The following FAAH2 variants were observed in gnomAD, a reference collection of about 807,000 sequenced individuals.
FAAH2 encodes fatty-acid amide hydrolase 2.
A neutral mutation model predicts 36.9 loss-of-function variants in FAAH2; 60 were observed. The ratio of observed to expected loss-of-function variants is 1.63; its 90% CI spans 1.32 to 2.02. The LOEUF is 2.02. Ranked by LOEUF, FAAH2 falls within the 30% of genes most tolerant of loss-of-function variation. The probability of loss-of-function intolerance (pLI) is 0.00; values close to 1 mark genes in which losing one functional copy is unlikely to be tolerated. For missense variants in FAAH2, 689 were observed against 397.5 expected, an observed-to-expected ratio of 1.73 and a Z score of -6.23; for synonymous variants, 214 against 143.8, an observed-to-expected ratio of 1.49 and a Z score of -3.49.
At chrX:57,315,265 G>A (rs2052803560) in intron 3 of FAAH2, among the ~76,000 whole-genome samples, 1 of 110,960 alleles carries the variant, frequency 9.0e-6, no homozygotes, top group South Asian at 3.7e-4. Flanking sequence ...TCGGTAATAA[G>A]AAACCTACCA....
At chrX:57,126,610 T>C in the FAAH2 span, among the ~76,000 whole-genome samples, 1 of 111,943 alleles carries the variant, frequency 8.9e-6, no homozygotes, top group Non-Finnish European at 1.9e-5. Flanking sequence ...AGCCAGGCTA[T>C]GCAAAAAGAG....
the FAAH2 span, among the ~76,000 whole-genome samples, chrX:57,208,299 A>G: frequency 8.9e-6 from 1 of 112,170 alleles, no homozygotes; most frequent in Non-Finnish European, 1.9e-5. Context: ...CTGCTCTGTC[A>G]TCTCTTCTGT....
intron 8 of FAAH2, among the ~76,000 whole-genome samples, chrX:57,439,821 G>T (rs1209939165): frequency 1.8e-5 from 2 of 111,532 alleles, no homozygotes; most frequent in African/African-American, 6.5e-5. Flanking sequence ...TCTACATATG[G>T]CTAGCCACTT....
At position 57,300,486 on chromosome X, in the gene FAAH2, G is replaced by C. The variant is rs775364553; in HGVS notation, c.275+7906G>C. ...AGATGGATTAAAGACTTACATGTCA[G>C]ACCTAAAACCATAAAAACCCTAGAA... is the stretch of plus-strand genomic sequence containing the variant. On this transcript the variant is annotated intron_variant, in intron 2 of 10. Transcript: ENST00000374900. 4.5e-5 allele frequency among the ~76,000 whole-genome samples: 5 copies of C among 112,187 alleles called. No individual in the cohort carries two copies. The South Asian group carries it at 1.8e-3, about 41-fold the overall frequency.
the FAAH2 span, among the ~76,000 whole-genome samples, chrX:57,203,458 C>T: frequency 5.4e-5 from 6 of 112,040 alleles, no homozygotes; most frequent in Middle Eastern, 4.6e-3. Context: ...TGTCACGGTG[C>T]TGCAGAGATT....
At chrX:57,402,498 G>T (rs2147307053) in intron 7 of FAAH2, among the ~76,000 whole-genome samples, 1 of 111,536 alleles carries the variant, frequency 9.0e-6, no homozygotes, top group South Asian at 3.9e-4. Context: ...AACTCCATTA[G>T]GGTTTCTAAA....
the FAAH2 span, among the ~76,000 whole-genome samples, chrX:57,195,352 A>T: frequency 9.0e-6 from 1 of 111,539 alleles, no homozygotes; most frequent in African/African-American, 3.3e-5. Context: ...TTTTCTTGAT[A>T]ATTAGTGATG....
chrX:57,249,696 A>G, the FAAH2 span, among the ~76,000 whole-genome samples: 1 of 111,975 alleles, frequency 8.9e-6, no homozygotes, highest in Non-Finnish European at 1.9e-5. Flanking sequence ...GGACCATGAG[A>G]CCAAGTAGCT....
intron 3 of FAAH2, among the ~76,000 whole-genome samples, chrX:57,324,472 G>A (rs1019690372): frequency 1.8e-5 from 2 of 111,910 alleles, no homozygotes; most frequent in Admixed American, 1.9e-4. Flanking sequence ...CTACCCATGA[G>A]CATGGAATTT....
rs780988630 is a variant in FAAH2, at chrX:57,378,655, G to A, written c.747G>A (p.Val249=). ...CCTGACTGTCTATCCTTTCAGGTGT[G>A]GTTCCCAACAAAGGTCAGTTTCCCT... ...GIFGHKPSPG[V]VPNKGQFPLA... is the part of the protein sequence containing the mutation. Residue 249 remains valine, a synonymous_variant, in exon 6 of 11, where the codon GTG becomes GTA. Transcript: ENST00000374900. 8.3e-7 allele frequency: 1 copy of A among 1,209,203 alleles called. No individual in the cohort carries two copies. The highest frequency in any genetic ancestry group is 1.7e-5 in the African/African-American group (1 of 57,181).
chrX:57,255,206 C>A, the FAAH2 span, among the ~76,000 whole-genome samples: 4 of 111,708 alleles, frequency 3.6e-5, no homozygotes, highest in African/African-American at 9.8e-5. Context: ...GACACATACA[C>A]CCTCCCAAGA....
chrX:57,257,881 CAA>C, the FAAH2 span, among the ~76,000 whole-genome samples: 1 of 111,040 alleles, frequency 9.0e-6, no homozygotes, highest in Admixed American at 9.6e-5. Context: ...TCAATATTGC[CAA>C]AGTGTCCATA....
chrX:57,432,337 G>T (rs927837099), intron 8 of FAAH2, among the ~76,000 whole-genome samples: 1 of 111,043 alleles, frequency 9.0e-6, no homozygotes, highest in African/African-American at 3.3e-5. Flanking sequence ...AAGAGATAAA[G>T]ATTATGCCAG....
At chrX:57,359,639 T>C (rs373912783) in intron 5 of FAAH2, among the ~76,000 whole-genome samples, 47 of 112,108 alleles carry the variant, frequency 4.2e-4, no homozygotes, top group African/African-American at 1.4e-3. Flanking sequence ...ATATTGTGCA[T>C]CTGGTATCAT....
chrX:57,204,774 C>T, the FAAH2 span, among the ~76,000 whole-genome samples: 1 of 112,407 alleles, frequency 8.9e-6, no homozygotes, highest in African/African-American at 3.2e-5. Context: ...GATTCAATTG[C>T]ATATGGGGTG....
At chrX:57,396,063 A>G (rs1468833239) in intron 7 of FAAH2, among the ~76,000 whole-genome samples, 1 of 111,519 alleles carries the variant, frequency 9.0e-6, no homozygotes, top group Non-Finnish European at 1.9e-5. Context: ...TTCTGGTTCA[A>G]TCTTGGGAGG....
At chrX:57,299,265 G>T (rs1344432738) in intron 2 of FAAH2, among the ~76,000 whole-genome samples, 1 of 112,131 alleles carries the variant, frequency 8.9e-6, no homozygotes, top group Non-Finnish European at 1.9e-5. Context: ...CCATGATCAA[G>T]TGGGGTTCAT....
At chrX:57,154,357 C>T in the FAAH2 span, among the ~76,000 whole-genome samples, 2 of 107,038 alleles carry the variant, frequency 1.9e-5, no homozygotes, top group African/African-American at 6.8e-5. Context: ...CTTTGCTCCC[C>T]AGTTCAAGCA....
chrX:57,396,961 T>C (rs1196103346), intron 7 of FAAH2, among the ~76,000 whole-genome samples: 1 of 112,122 alleles, frequency 8.9e-6, no homozygotes, highest in Non-Finnish European at 1.9e-5. Flanking sequence ...TTTGTATTGC[T>C]TTCTATTTTC....
Sources: gnomAD v4.1 joint callset for allele counts (sites outside exome capture counted in the v4.1 genomes callset) on GRCh38, gnomAD v4.1.1 for gene constraint, MANE v1.5 for transcripts, NCBI Gene and HGNC (gene_info 2026-07-23, HGNC 2026-07-21) for gene names.